The following FAM13A variants were observed in gnomAD, a reference collection of about 807,000 sequenced individuals.
FAM13A encodes the protein family with sequence similarity 13 member A.
A neutral mutation model predicts 129.6 loss-of-function variants in FAM13A; 76 were observed. The observed-to-expected ratio is 0.59, with a 90% confidence interval of 0.49 to 0.71. The LOEUF is 0.71. Among genes scored for constraint, FAM13A ranks in the 30% least tolerant of loss-of-function variants. FAM13A has a pLI of 0.00. For synonymous variants in FAM13A, 443 were observed against 449.9 expected (o/e 0.98, Z 0.20); for missense variants, 1,108 against 1,249.3 (o/e 0.89, Z 1.70).
intron 6 of FAM13A, among the ~76,000 whole-genome samples, chr4:88,859,079 C>CT (rs1230229849): frequency 3.3e-5 from 5 of 151,516 alleles, no homozygotes; most frequent in South Asian, 2.1e-4. Context: ...TTAAATAGTT[C>CT]TTTTTTTTTC....
intron 6 of FAM13A, among the ~76,000 whole-genome samples, chr4:88,862,559 C>G (rs1252304482): frequency 6.6e-6 from 1 of 152,156 alleles, no homozygotes; most frequent in African/African-American, 2.4e-5. Flanking sequence ...GGAGAAAAAA[C>G]TAGGTTCAGT....
intron 7 of FAM13A, among the ~76,000 whole-genome samples, chr4:88,832,127 G>C (rs1452419525): frequency 1.3e-5 from 2 of 152,168 alleles, no homozygotes. Context: ...ACAAAAGCAA[G>C]CAATGGGGAA....
chr4:88,971,208 ACT>A (rs1200486986), intron 4 of FAM13A, among the ~76,000 whole-genome samples: 1 of 152,148 alleles, frequency 6.6e-6, no homozygotes, highest in Non-Finnish European at 1.5e-5. Context: ...ACAGAGTGAG[ACT>A]CTGCCTCAAA....
At chr4:88,872,297 T>A (rs1010839511) in intron 6 of FAM13A, among the ~76,000 whole-genome samples, 2 of 152,154 alleles carry the variant, frequency 1.3e-5, no homozygotes, top group African/African-American at 4.8e-5. Flanking sequence ...CATAACAATA[T>A]TAACCTTAAA....
At chr4:88,855,934 C>A (rs113914718) in intron 6 of FAM13A, 3 of 152,122 alleles carry the variant, frequency 2.0e-5, no homozygotes, top group Non-Finnish European at 4.4e-5. Flanking sequence ...GGAGGGATTT[C>A]GTTTACTGGA....
chr4:88,797,633 T>A (rs920564944), intron 8 of FAM13A, among the ~76,000 whole-genome samples: 1 of 152,158 alleles, frequency 6.6e-6, no homozygotes, highest in African/African-American at 2.4e-5. Flanking sequence ...TTCTCTTTTA[T>A]CATGTATTTG....
Position 88,824,045 on chromosome 4 carries a change from A to C in FAM13A, c.1008-18993T>G, listed in dbSNP as rs533068831. The stretch of plus-strand genomic sequence containing the variant: ...TAACACAAAATCAGTTTTTCCATAA[A>C]GTCTTCTAAATATTTGTTAATTATC... On this transcript the variant is annotated intron_variant, in intron 7 of 23. Coordinates refer to ENST00000264344, the MANE Select transcript of FAM13A (RefSeq NM_014883.4). Among the ~76,000 whole-genome samples, 3 of 152,208 alleles carry C rather than the reference A, an allele frequency of 2.0e-5. No homozygotes were observed. In the South Asian group the frequency reaches 6.2e-4, roughly 32 times the overall value.
intron 7 of FAM13A, among the ~76,000 whole-genome samples, chr4:88,806,412 G>A (rs1357970430): frequency 2.0e-5 from 3 of 152,038 alleles, no homozygotes; most frequent in Admixed American, 6.6e-5. Flanking sequence ...CATGAAAAGA[G>A]AAAAGTCTGC....
At chr4:88,800,710 G>A (rs374302269) in intron 8 of FAM13A, among the ~76,000 whole-genome samples, 74 of 129,622 alleles carry the variant, frequency 5.7e-4, no homozygotes, top group South Asian at 1.7e-3. Flanking sequence ...AAAAAAAAAA[G>A]AAAAAAAAAA....
intron 3 of FAM13A, among the ~76,000 whole-genome samples, chr4:89,017,036 G>C (rs556853741): frequency 1.3e-5 from 2 of 152,302 alleles, no homozygotes; most frequent in African/African-American, 4.8e-5. Context: ...GTATAGGTTT[G>C]TTGCCTAAAA....
At chr4:88,919,772 G>T (rs890845318) in intron 5 of FAM13A, among the ~76,000 whole-genome samples, 1 of 152,230 alleles carries the variant, frequency 6.6e-6, no homozygotes, top group Non-Finnish European at 1.5e-5. Flanking sequence ...AGCGCAAAGG[G>T]TCAGGGAGTT....
chr4:88,756,825 A>G (rs1043327586), intron 14 of FAM13A, among the ~76,000 whole-genome samples: 2 of 152,172 alleles, frequency 1.3e-5, no homozygotes, highest in Non-Finnish European at 2.9e-5. Context: ...AGTTACAATA[A>G]GTACATAAGC....
intron 6 of FAM13A, among the ~76,000 whole-genome samples, chr4:88,873,907 C>T (rs755196755): frequency 2.6e-4 from 40 of 152,044 alleles, no homozygotes; most frequent in Non-Finnish European, 5.0e-4. Context: ...ACTGGCAAAC[C>T]GAATCCAGCA....
intron 11 of FAM13A, among the ~76,000 whole-genome samples, chr4:88,772,891 T>C (rs1720965586): frequency 6.6e-6 from 1 of 152,182 alleles, no homozygotes; most frequent in African/African-American, 2.4e-5. Flanking sequence ...CCTTACTCAA[T>C]AGTACACAAA....
At position 88,787,800 on chromosome 4, in the gene FAM13A, G is replaced by C. The variant is rs1044923492; in HGVS notation, c.1224C>G (p.Arg408=). 1.9e-6 allele frequency: 3 copies of C among 1,613,492 alleles called. No individual in the cohort carries two copies. The African/African-American group carries it at 4.0e-5, about 22-fold the overall frequency. ...CATCCTGCTCCTTGGACTGGCGGCGGCGCTGTCTGGCAGATGTGGCAGAAG... is the reference window on the plus strand; with the variant it reads ...CATCCTGCTCCTTGGACTGGCGGCGCCGCTGTCTGGCAGATGTGGCAGAAG... ...SASSATSARQ[R]RRQSKEQDEV... Residue 408 remains arginine, a synonymous_variant, in exon 10 of 24, where the codon CGC becomes CGG. Coordinates refer to ENST00000264344, the MANE Select transcript of FAM13A (RefSeq NM_014883.4).
In FAM13A at chr4:88,787,938, A is replaced by C. The variant is rs1724309994; in HGVS notation, c.1092-6T>G. On this transcript the variant is annotated splice_polypyrimidine_tract_variant and splice_region_variant and intron_variant, in intron 9 of 23. Coordinates refer to ENST00000264344, the MANE Select transcript of FAM13A (RefSeq NM_014883.4). ...GGATGGTTCTTTCTAAGAGTCTGGC[A>C]AAAAAGAATGCAGAGTCATTCAAGC... 1 of 1,609,198 alleles carries C rather than the reference A, an allele frequency of 6.2e-7. No homozygotes were observed. Among genetic ancestry groups the C allele is most frequent in the Admixed American group, 1.7e-5 (1 of 59,442 alleles).
chr4:88,982,455 G>C (rs1761762416), intron 4 of FAM13A, among the ~76,000 whole-genome samples: 1 of 152,196 alleles, frequency 6.6e-6, no homozygotes, highest in Non-Finnish European at 1.5e-5. Flanking sequence ...TTCTCTTACA[G>C]TCTCACTTAA....
At chr4:88,918,818 A>T (rs2148704049) in intron 5 of FAM13A, among the ~76,000 whole-genome samples, 1 of 152,322 alleles carries the variant, frequency 6.6e-6, no homozygotes, top group East Asian at 1.9e-4. Flanking sequence ...GCATCAGGGA[A>T]ACCATTTTCA....
chr4:88,856,698 A>C (rs1024972447), intron 6 of FAM13A, among the ~76,000 whole-genome samples: 1 of 152,168 alleles, frequency 6.6e-6, no homozygotes, highest in Non-Finnish European at 1.5e-5. Context: ...AACTTTTAAC[A>C]CTTAGATTTT....
Sources: gnomAD v4.1 joint callset for allele counts (sites outside exome capture counted in the v4.1 genomes callset) on GRCh38, gnomAD v4.1.1 for gene constraint, MANE v1.5 for transcripts, NCBI Gene and HGNC (gene_info 2026-07-23, HGNC 2026-07-21) for gene names.